The following FBXO38 variants were observed in gnomAD, a reference collection of about 807,000 sequenced individuals.
FBXO38 encodes the protein F-box only protein 38.
Under a neutral mutation model 131.9 loss-of-function variants are expected in FBXO38, and 53 were observed. That is an observed-to-expected ratio of 0.40 (90% CI 0.32 to 0.51). The LOEUF is 0.51. FBXO38 is among the 20% of genes least tolerant of loss of function. FBXO38 has a pLI of 0.53. For missense variants in FBXO38, 1,076 were observed against 1,475.6 expected (o/e 0.73, Z 4.44); for synonymous variants, 452 against 505.6 (o/e 0.89, Z 1.42).
At chr5:148,406,844 A>ATT (rs1752473045) in intron 7 of FBXO38, among the ~76,000 whole-genome samples, 1 of 152,166 alleles carries the variant, frequency 6.6e-6, no homozygotes, top group South Asian at 2.1e-4. Flanking sequence ...TTGGATATTG[A>ATT]TTTACCCATC....
At chr5:148,384,278 C>G (rs906251635) in intron 1 of FBXO38, among the ~76,000 whole-genome samples, 1 of 152,204 alleles carries the variant, frequency 6.6e-6, no homozygotes, top group Non-Finnish European at 1.5e-5. Flanking sequence ...CCCCAAAATC[C>G]AGCATAAAGA....
At chr5:148,433,586 T>C in intron 16 of FBXO38, 49 bp from the exon 17 acceptor site, 1 of 1,547,344 alleles carries the variant, frequency 6.5e-7, no homozygotes, top group Non-Finnish European at 8.9e-7. Context: ...ATAATGCACA[T>C]AAACTAAAGT....
At chr5:148,422,438 A>G (rs1753495154) in intron 12 of FBXO38, among the ~76,000 whole-genome samples, 1 of 152,142 alleles carries the variant, frequency 6.6e-6, no homozygotes. Flanking sequence ...TTTCCTTGCC[A>G]TCTGATCTTA....
At chr5:148,412,441 G>T (rs1387219395) in intron 9 of FBXO38, among the ~76,000 whole-genome samples, 1 of 152,074 alleles carries the variant, frequency 6.6e-6, no homozygotes, top group Non-Finnish European at 1.5e-5. Flanking sequence ...TCACTTTCTT[G>T]TTATAAAAGG....
intron 3 of FBXO38, 114 bp downstream of exon 3, chr5:148,399,246 C>A: frequency 8.3e-7 from 1 of 1,203,380 alleles, no homozygotes; most frequent in Non-Finnish European, 1.2e-6. Flanking sequence ...ACCTTGTAGG[C>A]TGGCAAGATT....
chr5:148,440,823 A>G (rs996637688), intron 20 of FBXO38, among the ~76,000 whole-genome samples: 1 of 152,202 alleles, frequency 6.6e-6, no homozygotes, highest in African/African-American at 2.4e-5. Context: ...CTTAGGGAAG[A>G]TATGAATGGG....
chr5:148,393,390 A>C (rs13155496), intron 1 of FBXO38, among the ~76,000 whole-genome samples: 1 of 152,082 alleles, frequency 6.6e-6, no homozygotes, highest in Admixed American at 6.5e-5. Context: ...GGCAAAAAAA[A>C]CCTCAGGAAC....
intron 15 of FBXO38, among the ~76,000 whole-genome samples, chr5:148,432,088 A>T (rs1019474294): frequency 6.6e-6 from 1 of 152,162 alleles, no homozygotes; most frequent in Non-Finnish European, 1.5e-5. Context: ...CATGTTTGAG[A>T]TTACAGAATT....
In FBXO38 at chr5:148,417,111, C is replaced by T; in HGVS notation, c.1525C>T (p.His509Tyr). Residue 509 changes from histidine to tyrosine, a missense_variant, in exon 12 of 22, where the codon CAC (histidine) becomes TAC (tyrosine). Transcript: ENST00000340253. ...TGCCCAGAATAACAATGCCAACATC[C>T]ACGACAACAATCACCATCATCCAGA... ...NNAQNNNANI[H>Y]DNNHHHPDDS... is the part of the protein sequence containing the mutation. 1.9e-6 allele frequency: 3 copies of T among 1,613,596 alleles called. No homozygotes were observed. The highest frequency in any genetic ancestry group is 2.5e-6 in the Non-Finnish European group (3 of 1,179,592).
chr5:148,397,844 A>AGT, intron 2 of FBXO38, among the ~76,000 whole-genome samples: 1 of 152,342 alleles, frequency 6.6e-6, no homozygotes, highest in East Asian at 1.9e-4. Context: ...GAGTAATAAT[A>AGT]GTGTATACTA....
At chr5:148,407,132 G>A (rs1049122720) in intron 7 of FBXO38, among the ~76,000 whole-genome samples, 1 of 152,164 alleles carries the variant, frequency 6.6e-6, no homozygotes, top group Non-Finnish European at 1.5e-5. Context: ...CATTTTGTCA[G>A]TCAAGTGTGG....
intron 1 of FBXO38, among the ~76,000 whole-genome samples, chr5:148,384,452 G>C (rs1757804514): frequency 6.6e-6 from 1 of 152,166 alleles, no homozygotes; most frequent in Non-Finnish European, 1.5e-5. Context: ...GCGTAGTGAG[G>C]AGATGTCCCT....
chr5:148,411,142 CCT>C (rs1336647412), intron 9 of FBXO38, among the ~76,000 whole-genome samples: 1 of 152,076 alleles, frequency 6.6e-6, no homozygotes, highest in East Asian at 1.9e-4. Flanking sequence ...TTTTGATGGT[CCT>C]CTCAGATGAG....
At position 148,433,591 on chromosome 5, in the gene FBXO38, T is replaced by C. The variant is rs72832038; in HGVS notation, c.2755-44T>C. On this transcript the variant is annotated intron_variant, in intron 16 of 21. Coordinates refer to ENST00000340253, the MANE Select transcript of FBXO38 (RefSeq NM_205836.3). Reference sequence around the variant, plus strand: ...CAGTTCCTAAATAATGCACATAAACTAAAGTTTGTATCTTTATATAGTTTC... The same window carrying C: ...CAGTTCCTAAATAATGCACATAAACCAAAGTTTGTATCTTTATATAGTTTC... 4.1e-3 allele frequency: 6,326 copies of C among 1,553,600 alleles called. 22 individuals carry two copies. The highest frequency in any genetic ancestry group is 0.014 in the Middle Eastern group (84 of 5,868).
intron 17 of FBXO38, chr5:148,434,386 A>T (rs578247012): frequency 1.3e-5 from 2 of 152,230 alleles, no homozygotes; most frequent in African/African-American, 4.8e-5. Flanking sequence ...CCTATAATTG[A>T]TCTATTAATT....
chr5:148,404,978 T>A (rs2113542847), intron 6 of FBXO38, among the ~76,000 whole-genome samples, 156 bp downstream of exon 6: 1 of 152,100 alleles, frequency 6.6e-6, no homozygotes, highest in Admixed American at 6.5e-5. Flanking sequence ...ACTTTTTGTT[T>A]TAAAGACATT....
intron 9 of FBXO38, among the ~76,000 whole-genome samples, chr5:148,411,197 G>A (rs1482118436): frequency 6.6e-6 from 1 of 152,056 alleles, no homozygotes; most frequent in Non-Finnish European, 1.5e-5. Flanking sequence ...TAATAAGCCC[G>A]CTGGGGGTTC....
At chr5:148,438,993 CTT>C (rs2113665095) in intron 18 of FBXO38, among the ~76,000 whole-genome samples, 1 of 152,250 alleles carries the variant, frequency 6.6e-6, no homozygotes, top group East Asian at 1.9e-4. Flanking sequence ...TTAAATGCCT[CTT>C]TGTAATCAGT....
chr5:148,412,708 A>T (rs1484976781), intron 9 of FBXO38, among the ~76,000 whole-genome samples: 1 of 152,076 alleles, frequency 6.6e-6, no homozygotes, highest in East Asian at 1.9e-4. Flanking sequence ...TAAGCAAGTT[A>T]ATTCTCATTT....
Sources: allele counts gnomAD v4.1 joint callset (sites outside exome capture counted in the v4.1 genomes callset), GRCh38; gene constraint gnomAD v4.1.1; transcripts MANE v1.5; gene names NCBI Gene and HGNC (gene_info 2026-07-23, HGNC 2026-07-21).